The following FRMD3 variants were observed in gnomAD, a reference collection of about 807,000 sequenced individuals.
The protein encoded by FRMD3 is FERM domain-containing protein 3.
FRMD3 carries 33 observed loss-of-function variants against 70.2 expected under a neutral mutation model. The observed-to-expected ratio is 0.47, with a 90% confidence interval of 0.36 to 0.63. The LOEUF is 0.63. Ranked by LOEUF, FRMD3 falls within the 20% of genes least tolerant of loss-of-function variation. The probability of loss-of-function intolerance (pLI) is 0.00; values close to 1 mark genes in which losing one functional copy is unlikely to be tolerated. For missense variants in FRMD3, 632 were observed against 711.4 expected (o/e 0.89, Z 1.27); for synonymous variants, 279 against 255.9 (o/e 1.09, Z -0.86).
intron 1 of FRMD3, among the ~76,000 whole-genome samples, chr9:83,457,654 A>G (rs1827855388): frequency 6.6e-6 from 1 of 152,212 alleles, no homozygotes; most frequent in Non-Finnish European, 1.5e-5. Context: ...CAAGGAAAAA[A>G]GTCTGTACTG....
rs1232145011 is a variant in FRMD3 at position 83,312,042 on chromosome 9, C to A, written c.685-67G>T. 3 of 1,190,920 alleles carry A rather than the reference C, an allele frequency of 2.5e-6. No homozygotes were observed. In the South Asian group the frequency reaches 4.2e-5, roughly 17 times the overall value. 73.8% of individuals were successfully genotyped at this position (1,190,920 alleles called of 1,614,324 possible). On this transcript the variant is annotated intron_variant, in intron 7 of 13. Transcript: ENST00000304195. Reference sequence around the variant, plus strand: ...TGAGAAAAATAAAATAAATGATAACCAATATATTTATTCATCCTCACCCTA... The same window carrying A: ...TGAGAAAAATAAAATAAATGATAACAAATATATTTATTCATCCTCACCCTA...
At chr9:83,579,749 T>C in the FRMD3 span, among the ~76,000 whole-genome samples, 1 of 152,032 alleles carries the variant, frequency 6.6e-6, no homozygotes, top group African/African-American at 2.4e-5. Context: ...GATATGGCCC[T>C]GAAAGCTCAG....
chr9:83,400,077 G>A (rs1825910821), intron 1 of FRMD3, among the ~76,000 whole-genome samples: 1 of 152,038 alleles, frequency 6.6e-6, no homozygotes, highest in South Asian at 2.1e-4. Flanking sequence ...GATTGGGAAG[G>A]AAGAAATAAA....
intron 2 of FRMD3, among the ~76,000 whole-genome samples, chr9:83,384,030 A>G (rs1055060533): frequency 6.6e-6 from 1 of 152,184 alleles, no homozygotes; most frequent in African/African-American, 2.4e-5. Flanking sequence ...AGCACTGACA[A>G]TATATTCCAT....
At chr9:83,484,854 A>G (rs1254821296) in intron 1 of FRMD3, among the ~76,000 whole-genome samples, 1 of 152,246 alleles carries the variant, frequency 6.6e-6, no homozygotes, top group Non-Finnish European at 1.5e-5. Flanking sequence ...TGTAAAAGGA[A>G]ACAATATAGA....
chr9:83,245,507 TAA>T lies in FRMD3; in HGVS notation c.*2409_*2410del. The T allele has an allele frequency of 1.0e-6, 1 of 981,070 alleles. No individual in the cohort carries two copies. The highest frequency in any genetic ancestry group is 1.2e-6 in the Non-Finnish European group (1 of 826,024). The allele number at this position is 981,070 out of a possible 1,614,324, so 60.8% of individuals were successfully genotyped here. A position where few individuals can be genotyped will look rare whatever the true frequency, so the allele number is the denominator to read the frequency against. On this transcript the variant is annotated 3_prime_UTR_variant, in exon 14 of 14. Transcript: ENST00000304195. ...TCTATTCAACAATGAAGTTTCCACCTAAGAGAAAAGAGATGTTAGCTGGAAAT... is the reference window on the plus strand; with the variant it reads ...TCTATTCAACAATGAAGTTTCCACCTGAGAAAAGAGATGTTAGCTGGAAAT...
intron 1 of FRMD3, among the ~76,000 whole-genome samples, chr9:83,503,572 A>G (rs1265673652): frequency 6.6e-6 from 1 of 152,236 alleles, no homozygotes; most frequent in Non-Finnish European, 1.5e-5. Flanking sequence ...CCCTGAGTAT[A>G]GAACCCAGCC....
chr9:83,497,436 T>C (rs1828966969), intron 1 of FRMD3, among the ~76,000 whole-genome samples: 1 of 152,202 alleles, frequency 6.6e-6, no homozygotes, highest in Non-Finnish European at 1.5e-5. Flanking sequence ...TTGCAAAGCC[T>C]CCCAAATTAC....
At chr9:83,529,495 T>C (rs2131555678) in intron 1 of FRMD3, among the ~76,000 whole-genome samples, 1 of 152,326 alleles carries the variant, frequency 6.6e-6, no homozygotes, top group African/African-American at 2.4e-5. Context: ...ATGCAAACTA[T>C]GTATCAATTT....
At chr9:83,264,808 G>GA (rs1473641565) in intron 13 of FRMD3, among the ~76,000 whole-genome samples, 1 of 126,060 alleles carries the variant, frequency 7.9e-6, no homozygotes, top group Non-Finnish European at 1.9e-5. Context: ...AACCAATTGT[G>GA]GGGGGAGGGG....
intron 1 of FRMD3, among the ~76,000 whole-genome samples, chr9:83,408,522 C>T (rs1211846806): frequency 6.6e-6 from 1 of 152,184 alleles, no homozygotes; most frequent in East Asian, 1.9e-4. Context: ...TAGGCACAAC[C>T]CCCAGGTGGG....
intron 6 of FRMD3, among the ~76,000 whole-genome samples, chr9:83,326,603 A>T (rs372004362): frequency 2.6e-4 from 40 of 151,860 alleles, no homozygotes; most frequent in Non-Finnish European, 3.5e-4. Flanking sequence ...TTAATGATCC[A>T]TTTTTTCAGG....
intron 1 of FRMD3, among the ~76,000 whole-genome samples, chr9:83,487,308 C>T (rs1340638428): frequency 6.6e-6 from 1 of 152,202 alleles, no homozygotes; most frequent in Non-Finnish European, 1.5e-5. Context: ...TCATATTTCT[C>T]CTGTTCCTGA....
At chr9:83,470,352 A>G (rs1172540255) in intron 1 of FRMD3, among the ~76,000 whole-genome samples, 2 of 151,698 alleles carry the variant, frequency 1.3e-5, no homozygotes, top group Non-Finnish European at 2.9e-5. Flanking sequence ...TGCAGTCCTC[A>G]CCCTGCCATT....
intron 1 of FRMD3, among the ~76,000 whole-genome samples, chr9:83,403,186 G>A (rs1011402329): frequency 5.9e-5 from 9 of 152,022 alleles, no homozygotes; most frequent in Non-Finnish European, 8.8e-5. Flanking sequence ...TTACAGGCGT[G>A]AGCCACCACG....
chr9:83,577,104 C>A, the FRMD3 span, among the ~76,000 whole-genome samples: 1 of 151,868 alleles, frequency 6.6e-6, no homozygotes, highest in African/African-American at 2.4e-5. Flanking sequence ...ACATATTATC[C>A]CATGTTGATA....
chr9:83,251,518 T>C (rs1563973730), intron 13 of FRMD3, among the ~76,000 whole-genome samples: 1 of 152,118 alleles, frequency 6.6e-6, no homozygotes, highest in Non-Finnish European at 1.5e-5. Context: ...AAGGCTGAGA[T>C]GGATGAATTG....
intron 6 of FRMD3, among the ~76,000 whole-genome samples, chr9:83,320,071 G>T (rs966529684): frequency 1.3e-5 from 2 of 152,008 alleles, no homozygotes; most frequent in Non-Finnish European, 2.9e-5. Context: ...CGATTTTAGG[G>T]TTTTCTAGAT....
At chr9:83,394,493 C>A (rs1587811812) in intron 1 of FRMD3, among the ~76,000 whole-genome samples, 1 of 152,222 alleles carries the variant, frequency 6.6e-6, no homozygotes, top group South Asian at 2.1e-4. Flanking sequence ...TAATGGGTAA[C>A]CTGTGTATTA....
Sources: allele counts gnomAD v4.1 joint callset (sites outside exome capture counted in the v4.1 genomes callset), GRCh38; gene constraint gnomAD v4.1.1; transcripts MANE v1.5; gene names NCBI Gene and HGNC (gene_info 2026-07-23, HGNC 2026-07-21).